The following CNTN5 variants were observed in gnomAD, a reference collection of about 807,000 sequenced individuals.
The protein encoded by CNTN5 is contactin-5.
CNTN5 carries 77 observed loss-of-function variants against 129.1 expected under a neutral mutation model. The ratio of observed to expected loss-of-function variants is 0.60; its 90% CI spans 0.50 to 0.72. The LOEUF is 0.72. Among genes scored for constraint, CNTN5 ranks in the 30% least tolerant of loss-of-function variants. The probability of loss-of-function intolerance (pLI) is 0.00; values close to 1 mark genes in which losing one functional copy is unlikely to be tolerated. For synonymous variants in CNTN5, 509 were observed against 465.6 expected, an observed-to-expected ratio of 1.09 and a Z score of -1.20; for missense variants, 1,478 against 1,328.8, an observed-to-expected ratio of 1.11 and a Z score of -1.75.
intron 4 of CNTN5, among the ~76,000 whole-genome samples, chr11:99,822,529 A>C (rs1360743369): frequency 6.6e-6 from 1 of 152,206 alleles, no homozygotes; most frequent in Non-Finnish European, 1.5e-5. Context: ...AATATATCCT[A>C]TTTATGGATA....
chr11:99,852,073 G>A (rs1011537107), intron 6 of CNTN5, among the ~76,000 whole-genome samples: 3 of 152,066 alleles, frequency 2.0e-5, no homozygotes, highest in African/African-American at 4.8e-5. Flanking sequence ...GATTGACATG[G>A]ATGAATTTAC....
intron 3 of CNTN5, among the ~76,000 whole-genome samples, chr11:99,682,080 C>A (rs1953580348): frequency 6.6e-6 from 1 of 151,738 alleles, no homozygotes; most frequent in Non-Finnish European, 1.5e-5. Flanking sequence ...ATGCAAGAAC[C>A]AAGGAACATT....
chr11:100,290,260 C>A (rs1033729467), intron 18 of CNTN5, among the ~76,000 whole-genome samples: 15 of 151,990 alleles, frequency 9.9e-5, no homozygotes, highest in East Asian at 3.9e-4. Flanking sequence ...AAACTACTTT[C>A]AAGTTCATAT....
chr11:100,333,426 A>G (rs950784379), intron 21 of CNTN5, among the ~76,000 whole-genome samples: 2 of 150,642 alleles, frequency 1.3e-5, no homozygotes, highest in Non-Finnish European at 3.0e-5. Context: ...AAAAAAAAAA[A>G]AAAAAACACC....
At chr11:99,920,626 C>T (rs752601713) in intron 7 of CNTN5, among the ~76,000 whole-genome samples, 3 of 152,312 alleles carry the variant, frequency 2.0e-5, no homozygotes, top group East Asian at 3.9e-4. Flanking sequence ...TTTCTCTACA[C>T]CCTACATACA....
intron 2 of CNTN5, among the ~76,000 whole-genome samples, chr11:99,541,028 A>G (rs992294053): frequency 1.3e-5 from 2 of 152,216 alleles, no homozygotes; most frequent in Non-Finnish European, 2.9e-5. Flanking sequence ...GCATTCAGTC[A>G]GGATCTCCCT....
At chr11:99,238,842 G>A (rs766570893) in intron 1 of CNTN5, among the ~76,000 whole-genome samples, 2 of 151,932 alleles carry the variant, frequency 1.3e-5, no homozygotes, top group Non-Finnish European at 2.9e-5. Context: ...ACAATACTAA[G>A]ATAAATAAAA....
intron 1 of CNTN5, among the ~76,000 whole-genome samples, chr11:99,258,684 C>G (rs1862489712): frequency 6.6e-6 from 1 of 151,774 alleles, no homozygotes; most frequent in South Asian, 2.1e-4. Flanking sequence ...TCAAATATGT[C>G]AAATTATACG....
At chr11:99,043,427 A>G (rs1185728293) in intron 1 of CNTN5, among the ~76,000 whole-genome samples, 2 of 151,980 alleles carry the variant, frequency 1.3e-5, no homozygotes, top group Non-Finnish European at 2.9e-5. Context: ...TAAAACTTAA[A>G]GTATAATAAA....
At chr11:99,962,559 G>A (rs990695281) in intron 8 of CNTN5, among the ~76,000 whole-genome samples, 2 of 151,438 alleles carry the variant, frequency 1.3e-5, no homozygotes, top group East Asian at 1.9e-4. Context: ...GTCTATCATT[G>A]TTGGACATTT....
chr11:99,806,778 G>C (rs1946283835), intron 3 of CNTN5, among the ~76,000 whole-genome samples: 1 of 147,796 alleles, frequency 6.8e-6, no homozygotes, highest in African/African-American at 2.5e-5. Flanking sequence ...CTGCATTCCA[G>C]CCTGGGCGAC....
At chr11:99,535,821 G>T (rs1947879584) in intron 2 of CNTN5, among the ~76,000 whole-genome samples, 1 of 152,100 alleles carries the variant, frequency 6.6e-6, no homozygotes. Flanking sequence ...TCTTCCAGAT[G>T]CAGGAGACTT....
At chr11:100,285,395 G>A (rs1440866792) in intron 18 of CNTN5, among the ~76,000 whole-genome samples, 1 of 152,084 alleles carries the variant, frequency 6.6e-6, no homozygotes, top group Admixed American at 6.5e-5. Context: ...TAGAACAACA[G>A]GAGAGTCAAG....
intron 21 of CNTN5, among the ~76,000 whole-genome samples, chr11:100,336,267 C>A (rs566849422): frequency 6.6e-6 from 1 of 152,228 alleles, no homozygotes; most frequent in South Asian, 2.1e-4. Context: ...ATTTCCATGG[C>A]AGCATTTTAA....
At chr11:99,962,607 G>A (rs948511875) in intron 8 of CNTN5, among the ~76,000 whole-genome samples, 34 of 150,844 alleles carry the variant, frequency 2.3e-4, no homozygotes, top group Admixed American at 8.6e-4. Context: ...GAATAATGCC[G>A]CAATAAACAT....
At chr11:99,192,879 C>G (rs1033029773) in intron 1 of CNTN5, among the ~76,000 whole-genome samples, 1 of 152,070 alleles carries the variant, frequency 6.6e-6, no homozygotes, top group South Asian at 2.1e-4. Context: ...GCCCATATAA[C>G]AGCACCAAAA....
At chr11:99,731,982 A>G (rs1943551018) in intron 3 of CNTN5, among the ~76,000 whole-genome samples, 1 of 152,220 alleles carries the variant, frequency 6.6e-6, no homozygotes, top group Admixed American at 6.5e-5. Context: ...ATGTATATAA[A>G]TGCCCATTTG....
chr11:100,221,375 A>C (rs1671601667), intron 15 of CNTN5, among the ~76,000 whole-genome samples: 1 of 152,218 alleles, frequency 6.6e-6, no homozygotes, highest in Non-Finnish European at 1.5e-5. Flanking sequence ...GCCAGCAGAC[A>C]CTTTGAACAG....
At chr11:100,014,591 A>C (rs1429670128) in intron 9 of CNTN5, among the ~76,000 whole-genome samples, 1 of 152,130 alleles carries the variant, frequency 6.6e-6, no homozygotes, top group Non-Finnish European at 1.5e-5. Context: ...AAAAAAAATA[A>C]TAATAAATTA....
Sources: allele counts gnomAD v4.1 joint callset (sites outside exome capture counted in the v4.1 genomes callset), GRCh38; gene constraint gnomAD v4.1.1; transcripts MANE v1.5; gene names NCBI Gene and HGNC (gene_info 2026-07-23, HGNC 2026-07-21).